The following ST7 variants were observed in gnomAD, a reference collection of about 807,000 sequenced individuals.
The protein encoded by ST7 is suppressor of tumorigenicity 7 protein.
A neutral mutation model predicts 78.7 loss-of-function variants in ST7; 28 were observed. That is an observed-to-expected ratio of 0.36 (90% CI 0.26 to 0.49). The LOEUF (loss-of-function observed/expected upper bound fraction) is 0.49, where lower values mean the gene tolerates loss of function less well. Ranked by LOEUF, ST7 falls within the 20% of genes least tolerant of loss-of-function variation. The probability of loss-of-function intolerance (pLI) is 0.99; values close to 1 mark genes in which losing one functional copy is unlikely to be tolerated. For missense variants in ST7, 418 were observed against 696.0 expected (o/e 0.60, Z 4.49); for synonymous variants, 247 against 249.6 (o/e 0.99, Z 0.10).
chr7:117,017,731 T>C (rs1795684159), intron 1 of ST7, among the ~76,000 whole-genome samples: 1 of 152,192 alleles, frequency 6.6e-6, no homozygotes. Context: ...TTTGTGTTCC[T>C]TCTCTGAGCT....
chr7:116,977,313 A>C (rs994304748), intron 1 of ST7, among the ~76,000 whole-genome samples: 2 of 152,220 alleles, frequency 1.3e-5, no homozygotes, highest in African/African-American at 4.8e-5. Context: ...GTACTGCAAA[A>C]AATGCAGATG....
rs114935103 is a variant in ST7, at chr7:117,167,347, G to A, written c.964-3515G>A. Among the ~76,000 whole-genome samples the A allele has an allele frequency of 3.2e-3, 489 of 151,000 alleles. 3 individuals are homozygous for A. Among genetic ancestry groups the A allele is most frequent in the African/African-American group, 8.3e-3 (341 of 41,112 alleles). On this transcript the variant is annotated intron_variant, in intron 9 of 15. Coordinates refer to ENST00000323984, the MANE Select transcript of ST7 (RefSeq NM_001369598.1). ...TGAATGTAATGAAAGCTGTCAGCAT[G>A]TTTTAAATATCAACTCTCGGGGGTT...
chr7:117,165,909 C>T (rs1048669274), intron 9 of ST7, among the ~76,000 whole-genome samples: 2 of 152,032 alleles, frequency 1.3e-5, no homozygotes, highest in African/African-American at 4.8e-5. Flanking sequence ...ATGCGTGGTG[C>T]GTGTGAAGTG....
At chr7:116,969,805 G>C (rs1324617246) in intron 1 of ST7, among the ~76,000 whole-genome samples, 1 of 152,210 alleles carries the variant, frequency 6.6e-6, no homozygotes, top group Non-Finnish European at 1.5e-5. Flanking sequence ...GCTGGGCATG[G>C]TGGTTCATGC....
chr7:116,993,620 A>T (rs1202094046), intron 1 of ST7, among the ~76,000 whole-genome samples: 1 of 152,256 alleles, frequency 6.6e-6, no homozygotes, highest in Non-Finnish European at 1.5e-5. Context: ...AGAAATCTTG[A>T]CTTAATCATC....
In ST7 at chr7:117,106,067, C is replaced by T. The variant is rs542654468; in HGVS notation, c.234+6223C>T. Among the ~76,000 whole-genome samples the T allele has an allele frequency of 3.6e-3, 553 of 152,126 alleles. 4 individuals carry two copies. Among genetic ancestry groups the T allele is most frequent in the African/African-American group, 8.8e-3 (365 of 41,534 alleles). ...ACTGCGGACTGCAGTGGCGCAATCT[C>T]GGCTCACTGCAAGCTCCGCTTCCCG... On this transcript the variant is annotated intron_variant, in intron 2 of 15. Coordinates refer to ENST00000323984, the MANE Select transcript of ST7 (RefSeq NM_001369598.1).
chr7:117,183,100 T>G (rs528852671), intron 10 of ST7, among the ~76,000 whole-genome samples: 26 of 152,022 alleles, frequency 1.7e-4, no homozygotes, highest in Admixed American at 7.9e-4. Flanking sequence ...TTTTAGGTTT[T>G]TTTGTTTGTT....
intron 9 of ST7, among the ~76,000 whole-genome samples, chr7:117,147,664 T>G (rs1348263655): frequency 6.6e-6 from 1 of 152,144 alleles, no homozygotes; most frequent in African/African-American, 2.4e-5. Flanking sequence ...CAATTAGGTT[T>G]AGTTTATTTC....
At chr7:117,206,225 G>T (rs60871438) in intron 12 of ST7, among the ~76,000 whole-genome samples, 7,986 of 152,230 alleles carry the variant, frequency 0.052, 702 homozygotes, top group African/African-American at 0.18. Flanking sequence ...AGGCAGAGTT[G>T]TTTCCTTGAT....
In ST7 at chr7:117,201,423, C is replaced by T. The variant is rs1046638305; in HGVS notation, c.1255-8364C>T. Reference sequence around the variant, plus strand: ...ACCCCCACCAGGCTCATTACCTCTACTGAGGTCACTCTTATTAAGGCCGCT... The same window carrying T: ...ACCCCCACCAGGCTCATTACCTCTATTGAGGTCACTCTTATTAAGGCCGCT... On this transcript the variant is annotated intron_variant, in intron 12 of 15. Transcript: ENST00000323984. Among the ~76,000 whole-genome samples the T allele has an allele frequency of 2.6e-5, 4 of 152,200 alleles. No individual in the cohort carries two copies. The South Asian group carries it at 8.3e-4, about 32-fold the overall frequency.
In ST7 at chr7:117,042,924, G is replaced by T. The variant is rs556123213; in HGVS notation, c.152-56838G>T. ...TAACTGTATAATATATTTTAGCATA[G>T]TGGTTCCACTCTATATATATTCTTT... On this transcript the variant is annotated intron_variant, in intron 1 of 15. Transcript: ENST00000323984. Among the ~76,000 whole-genome samples, 237 of 152,118 alleles carry T rather than the reference G, an allele frequency of 1.6e-3. 2 individuals are homozygous for T. The highest frequency in any genetic ancestry group is 5.2e-3 in the African/African-American group (216 of 41,530).
intron 9 of ST7, among the ~76,000 whole-genome samples, chr7:117,153,624 A>G (rs138829982): frequency 1.3e-5 from 2 of 152,336 alleles, no homozygotes; most frequent in East Asian, 3.9e-4. Context: ...AAAAATGTAT[A>G]TATGATCTGA....
chr7:117,142,309 G>A (rs1338156682), intron 9 of ST7, among the ~76,000 whole-genome samples: 1 of 152,078 alleles, frequency 6.6e-6, no homozygotes, highest in Non-Finnish European at 1.5e-5. Flanking sequence ...GAACTCAAAA[G>A]CTGCTGTGCT....
intron 1 of ST7, among the ~76,000 whole-genome samples, chr7:117,036,250 C>T (rs1172633692): frequency 6.6e-6 from 1 of 152,200 alleles, no homozygotes; most frequent in Non-Finnish European, 1.5e-5. Context: ...ATGCAGTTAG[C>T]CACCTCCCTA....
chr7:117,135,829 C>T (rs952355104), intron 7 of ST7, among the ~76,000 whole-genome samples: 2 of 152,050 alleles, frequency 1.3e-5, no homozygotes. Context: ...CAAAGTGACA[C>T]ACTAATATAA....
At chr7:116,954,917 CTT>C (rs1307536306) in intron 1 of ST7, 1 of 284,002 alleles carries the variant, frequency 3.5e-6, no homozygotes, top group South Asian at 3.1e-5. Flanking sequence ...CAGATACTAA[CTT>C]AAGTATTTTG....
At chr7:117,145,882 A>T (rs1232598325) in intron 9 of ST7, among the ~76,000 whole-genome samples, 1 of 152,026 alleles carries the variant, frequency 6.6e-6, no homozygotes, top group Non-Finnish European at 1.5e-5. Flanking sequence ...TGTTAAACCC[A>T]CTCTCAGCCT....
At chr7:117,078,247 C>T (rs917453263) in intron 1 of ST7, among the ~76,000 whole-genome samples, 1 of 152,216 alleles carries the variant, frequency 6.6e-6, no homozygotes, top group African/African-American at 2.4e-5. Flanking sequence ...GGCATCAAAT[C>T]CAAAGCATAG....
chr7:117,133,942 A>G (rs1228334844), intron 6 of ST7, among the ~76,000 whole-genome samples, 182 bp from the exon 7 acceptor site: 1 of 151,934 alleles, frequency 6.6e-6, no homozygotes, highest in African/African-American at 2.4e-5. Context: ...GAAGCTGCTC[A>G]ACCCTCTTAA....
Sources: gnomAD v4.1 joint callset for allele counts (sites outside exome capture counted in the v4.1 genomes callset) on GRCh38, gnomAD v4.1.1 for gene constraint, MANE v1.5 for transcripts, NCBI Gene and HGNC (gene_info 2026-07-23, HGNC 2026-07-21) for gene names.